Variants in MDN1 observed in about 807,000 individuals in gnomAD.
The protein encoded by MDN1 is midasin AAA ATPase 1.
In MDN1, 266 loss-of-function variants were observed where a neutral mutation model predicts 669.2. That is an observed-to-expected ratio of 0.40 (90% CI 0.36 to 0.44). MDN1 has a LOEUF of 0.44. MDN1 is among the 20% of genes least tolerant of loss of function. MDN1 has a pLI of 1.00. For synonymous variants in MDN1, 2,385 were observed against 2,457.1 expected (o/e 0.97, Z 0.87); for missense variants, 5,940 against 6,754.0 (o/e 0.88, Z 4.22).
Position 89,749,670 on chromosome 6 carries a change from GC to G in MDN1, c.3487del (p.Ala1163ArgfsTer2). 6.2e-7 allele frequency: 1 copy of G among 1,614,030 alleles called. No homozygotes were observed. The highest frequency in any genetic ancestry group is 8.5e-7 in the Non-Finnish European group (1 of 1,179,934). On this transcript the variant is annotated frameshift_variant, in exon 25 of 102. Coordinates refer to ENST00000369393, the MANE Select transcript of MDN1 (RefSeq NM_014611.3). LOFTEE classifies it high-confidence loss of function. ...GTTATCATCCAACAGCCTATTCAGC[GC>G]CTCTAACACATCAGTAGGGGCCAAA... ...LNLAPTDVLE[A>X]LNRLLDDNRE...
At chr6:89,786,184 G>A (rs144050441) in intron 8 of MDN1, among the ~76,000 whole-genome samples, 1,881 of 152,182 alleles carry the variant, frequency 0.012, 34 homozygotes, top group African/African-American at 0.042. Flanking sequence ...GCTTGAACCC[G>A]GGAGGCAGAG....
At chr6:89,726,482 G>GAAAAAAAAAAAAAAAAAAAGA (rs201576721) in intron 37 of MDN1, among the ~76,000 whole-genome samples, 1 of 90,952 alleles carries the variant, frequency 1.1e-5, no homozygotes, top group Admixed American at 1.2e-4. Flanking sequence ...AAGAAAAATA[G>GAAAAAAAAAAAAAAAAAAAGA]AAAAAAAAAA....
rs780487974 is a variant in MDN1, at chr6:89,749,691, G to A, written c.3467C>T (p.Ala1156Val). 1.2e-6 allele frequency: 2 copies of A among 1,613,874 alleles called. No homozygotes were observed. The highest frequency in any genetic ancestry group is 8.5e-7 in the Non-Finnish European group (1 of 1,179,842). The stretch of plus-strand genomic sequence containing the variant: ...CAGCGCCTCTAACACATCAGTAGGG[G>A]CCAAATTTAATTCATCTAAAATAAT... The part of the protein sequence containing the change: ...YWIILDELNL[A>V]PTDVLEALNR... Residue 1156 changes from alanine to valine, a missense_variant, in exon 25 of 102, where the codon GCC (alanine) becomes GTC (valine). Physicochemically the swap from Ala to Val is moderately conservative, Grantham distance 64. Around this residue, in one of 5 missense-constraint regions of MDN1, gnomAD observed 2,292 missense variants for 2,638.3 expected, o/e 0.87. Coordinates refer to ENST00000369393, the MANE Select transcript of MDN1 (RefSeq NM_014611.3).
Position 89,696,111 on chromosome 6 carries a change from G to A in MDN1, c.9384-119C>T, listed in dbSNP as rs573505131. On this transcript the variant is annotated intron_variant, in intron 60 of 101. Coordinates refer to ENST00000369393, the MANE Select transcript of MDN1 (RefSeq NM_014611.3). ...CAGAATGCAGCATCAATATGTAGAGGTGAATTTCTGTTCTCACATGGTCTT... is the reference window on the plus strand; with the variant it reads ...CAGAATGCAGCATCAATATGTAGAGATGAATTTCTGTTCTCACATGGTCTT... 3.7e-6 allele frequency: 5 copies of A among 1,349,990 alleles called. No individual in the cohort carries two copies. The East Asian group carries it at 1.2e-4, about 31-fold the overall frequency. The allele number at this position is 1,349,990 out of a possible 1,614,324, so 83.6% of individuals were successfully genotyped here.
chr6:89,776,148 A>C (rs1349715468), intron 12 of MDN1, among the ~76,000 whole-genome samples: 1 of 152,254 alleles, frequency 6.6e-6, no homozygotes, highest in African/African-American at 2.4e-5. Context: ...GACACAGGAC[A>C]TGAGGAAGCT....
chr6:89,745,160 G>GGAAGGAGGAA, intron 29 of MDN1, 113 bp downstream of exon 29: 2 of 393,258 alleles, frequency 5.1e-6, no homozygotes, highest in Non-Finnish European at 3.4e-6. Flanking sequence ...AAAGAAAAAA[G>GGAAGGAGGAA]AGGAAGGAGG....
At chr6:89,809,784 T>TAAATAAAATAAAATA (rs58439361) in intron 1 of MDN1, among the ~76,000 whole-genome samples, 16,658 of 112,396 alleles carry the variant, frequency 0.15, 1,745 homozygotes, top group East Asian at 0.42. Flanking sequence ...TCAAAATAAA[T>TAAATAAAATAAAATA]AAATAAAATA....
intron 85 of MDN1, 47 bp downstream of exon 85, chr6:89,664,440 T>C: frequency 6.2e-7 from 1 of 1,602,986 alleles, no homozygotes; most frequent in Non-Finnish European, 8.5e-7. Context: ...CTGGATAAAA[T>C]ATTTATGCTT....
chr6:89,803,817 G>C (rs1336998432), intron 1 of MDN1, among the ~76,000 whole-genome samples: 1 of 150,766 alleles, frequency 6.6e-6, no homozygotes, highest in African/African-American at 2.4e-5. Context: ...TCCTGACCTC[G>C]TGATCCGCCC....
At chr6:89,698,080 T>A (rs1423903001) in intron 59 of MDN1, among the ~76,000 whole-genome samples, 4 of 152,146 alleles carry the variant, frequency 2.6e-5, no homozygotes, top group African/African-American at 9.7e-5. Flanking sequence ...CAGGTCCTCA[T>A]CTCCATGTTA....
intron 15 of MDN1, 122 bp from the exon 16 acceptor site, chr6:89,762,652 G>A (rs1437207061): frequency 1.5e-6 from 1 of 683,470 alleles, no homozygotes; most frequent in African/African-American, 1.8e-5. Flanking sequence ...AAATACTACT[G>A]AAATATTTAA....
chr6:89,722,938 C>T lies in MDN1; in HGVS notation c.5967+17G>A, dbSNP rs767051761. The T allele has an allele frequency of 1.9e-6, 3 of 1,595,004 alleles. No individual in the cohort carries two copies. The South Asian group carries it at 3.4e-5, about 18-fold the overall frequency. ...TTTCAGATGGAAAGAAATACAAATA[C>T]CAAGCGTGAAACTCACCTTTTTTTT... On this transcript the variant is annotated intron_variant, in intron 40 of 101. Coordinates refer to ENST00000369393, the MANE Select transcript of MDN1 (RefSeq NM_014611.3).
At chr6:89,673,693 ATAAATTAC>A in intron 79 of MDN1, 1 of 545,642 alleles carries the variant, frequency 1.8e-6, no homozygotes, top group South Asian at 2.7e-5. Flanking sequence ...TAGTAATGGA[ATAAATTAC>A]TAAATTTATT....
rs543406265 is a variant in MDN1 at position 89,714,303 on chromosome 6, C to G, written c.7069+240G>C. Among the ~76,000 whole-genome samples, 4 of 152,248 alleles carry G rather than the reference C, an allele frequency of 2.6e-5. No homozygotes were observed. In the East Asian group the frequency reaches 7.7e-4, roughly 29 times the overall value. ...AAAGTGGAATTACTCGAGGGTTAGC[C>G]TCTGCTTACTTGCATCAGAATGACA... On this transcript the variant is annotated intron_variant, in intron 46 of 101. Transcript: ENST00000369393.
At chr6:89,667,765 T>TA (rs568770733) in intron 84 of MDN1, among the ~76,000 whole-genome samples, 27 of 146,932 alleles carry the variant, frequency 1.8e-4, no homozygotes, top group South Asian at 6.4e-4. Flanking sequence ...TCTGCCCATT[T>TA]AAAAAAAAAA....
rs553023979 is a variant in MDN1, at chr6:89,810,062, T to C, written c.103-6508A>G. On this transcript the variant is annotated intron_variant, in intron 1 of 101. Transcript: ENST00000369393. The stretch of plus-strand genomic sequence containing the variant: ...AAGATTATATATCAAAATATTAATA[T>C]GGGCAGTCCCTGACTGAATGTTTTT... Among the ~76,000 whole-genome samples the C allele has an allele frequency of 7.7e-5, 11 of 142,924 alleles. No individual in the cohort carries two copies. In the South Asian group the frequency reaches 2.2e-3, roughly 29 times the overall value. The allele number at this position is 142,924 out of a possible 152,430, so 93.8% of individuals were successfully genotyped here.
chr6:89,703,525 C>T (rs142898620), intron 53 of MDN1, among the ~76,000 whole-genome samples: 230 of 152,136 alleles, frequency 1.5e-3, no homozygotes, highest in African/African-American at 5.3e-3. Context: ...TTCACAGTAA[C>T]ATTGTTTCTA....
At chr6:89,670,157 TATATATATA>T (rs1166436288) in intron 83 of MDN1, among the ~76,000 whole-genome samples, 1 of 23,894 alleles carries the variant, frequency 4.2e-5, no homozygotes, top group Non-Finnish European at 7.0e-5. Flanking sequence ...TATATATATA[TATATATATA>T]TATATTTTTT....
At chr6:89,693,955 C>T (rs1220418242) in intron 62 of MDN1, 119 bp downstream of exon 62, 23 of 769,774 alleles carry the variant, frequency 3.0e-5, no homozygotes, top group Non-Finnish European at 4.2e-5. Flanking sequence ...AATGCTTTGG[C>T]ATCTAATTGC....
Sources: gnomAD v4.1 joint callset for allele counts (sites outside exome capture counted in the v4.1 genomes callset) on GRCh38, gnomAD v4.1.1 for gene constraint, gnomAD v4.1.1 regional missense constraint, MANE v1.5 for transcripts, NCBI Gene and HGNC (gene_info 2026-07-23, HGNC 2026-07-21) for gene names.